Variants in HFM1 observed in about 807,000 individuals in gnomAD.
The protein encoded by HFM1 is probable ATP-dependent DNA helicase HFM1.
A neutral mutation model predicts 192.1 loss-of-function variants in HFM1; 169 were observed. The ratio of observed to expected loss-of-function variants is 0.88; its 90% CI spans 0.78 to 1.00. The LOEUF is 1.00. Among genes scored for constraint, HFM1 ranks in the 50% least tolerant of loss-of-function variants. HFM1 has a pLI of 0.00. For synonymous variants in HFM1, 525 were observed against 537.8 expected, an observed-to-expected ratio of 0.98 and a Z score of 0.33; for missense variants, 1,661 against 1,668.0, an observed-to-expected ratio of 1.00 and a Z score of 0.07.
chr1:91,337,745 G>T (rs1411022721), intron 20 of HFM1, among the ~76,000 whole-genome samples: 1 of 152,178 alleles, frequency 6.6e-6, no homozygotes, highest in East Asian at 1.9e-4. Context: ...GTACAAATAA[G>T]AAATCATGTG....
At chr1:91,391,812 C>T (rs112796434) in intron 4 of HFM1, among the ~76,000 whole-genome samples, 14,626 of 151,530 alleles carry the variant, frequency 0.097, 742 homozygotes, top group East Asian at 0.16. Flanking sequence ...AGTGAACAGG[C>T]AACCAATGGG....
chr1:91,291,039 C>G (rs1460068387), intron 30 of HFM1, among the ~76,000 whole-genome samples: 1 of 151,964 alleles, frequency 6.6e-6, no homozygotes, highest in Non-Finnish European at 1.5e-5. Flanking sequence ...ATCTCTGGGA[C>G]ACATTCAAAG....
At chr1:91,327,281 C>G (rs1475644598) in intron 20 of HFM1, among the ~76,000 whole-genome samples, 1 of 152,126 alleles carries the variant, frequency 6.6e-6, no homozygotes, top group Non-Finnish European at 1.5e-5. Context: ...TTTGCAAGGC[C>G]AAGGCAGGAG....
intron 30 of HFM1, among the ~76,000 whole-genome samples, chr1:91,280,660 TG>T (rs1266317862): frequency 6.6e-6 from 1 of 152,244 alleles, no homozygotes. Context: ...CACTAAGGTA[TG>T]GAACTTTCCA....
intron 13 of HFM1, among the ~76,000 whole-genome samples, chr1:91,374,856 A>G (rs549077383): frequency 6.6e-6 from 1 of 152,296 alleles, no homozygotes; most frequent in South Asian, 2.1e-4. Flanking sequence ...AGTACTTACA[A>G]ACACCTAAGA....
intron 19 of HFM1, 77 bp from the exon 20 acceptor site, chr1:91,343,587 C>A: frequency 3.3e-6 from 2 of 597,142 alleles, no homozygotes; most frequent in Non-Finnish European, 5.8e-6. Flanking sequence ...ATTAAATATG[C>A]TAAAGTTGTG....
chr1:91,324,237 C>T (rs991382262), intron 21 of HFM1, among the ~76,000 whole-genome samples: 1 of 152,102 alleles, frequency 6.6e-6, no homozygotes, highest in Admixed American at 6.5e-5. Flanking sequence ...CTGTTCTCAC[C>T]CAAAATATTT....
At chr1:91,369,911 A>C (rs1031582596) in intron 13 of HFM1, among the ~76,000 whole-genome samples, 34 of 152,040 alleles carry the variant, frequency 2.2e-4, no homozygotes, top group Admixed American at 1.2e-3. Context: ...AAGGGGATAT[A>C]GCCACCGATC....
intron 30 of HFM1, among the ~76,000 whole-genome samples, chr1:91,291,634 C>A (rs1376283634): frequency 6.6e-6 from 1 of 152,138 alleles, no homozygotes; most frequent in Non-Finnish European, 1.5e-5. Flanking sequence ...CAAGTAGGAA[C>A]TGGTACCATT....
At chr1:91,383,744 CAT>C (rs1466981404) in intron 6 of HFM1, among the ~76,000 whole-genome samples, 2 of 152,124 alleles carry the variant, frequency 1.3e-5, no homozygotes, top group African/African-American at 4.8e-5. Flanking sequence ...ATTCCTAAAG[CAT>C]AGTTTAAATG....
chr1:91,323,829 A>C lies in HFM1; in HGVS notation c.2428-630T>G, dbSNP rs530682672. Among the ~76,000 whole-genome samples, 5 of 152,286 alleles carry C rather than the reference A, an allele frequency of 3.3e-5. No homozygotes were observed. In the South Asian group the frequency reaches 1.0e-3, roughly 32 times the overall value. ...GACTCTTGATTTCTCCTTAGTTAAG[A>C]ATAATGTTTACACAAAAATACAAAC... On this transcript the variant is annotated intron_variant, in intron 21 of 38. Coordinates refer to ENST00000370425, the MANE Select transcript of HFM1 (RefSeq NM_001017975.6).
intron 20 of HFM1, chr1:91,328,842 A>C: frequency 6.2e-7 from 1 of 1,611,290 alleles, no homozygotes. Context: ...CCTTACCTTG[A>C]TGCACCCATC....
Position 91,341,265 on chromosome 1 carries a change from A to C in HFM1, c.2335+2165T>G, listed in dbSNP as rs1042772151. 2.4e-4 allele frequency among the ~76,000 whole-genome samples: 36 copies of C among 152,234 alleles called. 1 individual carries two copies. The highest frequency in any genetic ancestry group is 8.7e-4 in the African/African-American group (36 of 41,458). On this transcript the variant is annotated intron_variant, in intron 20 of 38. Coordinates refer to ENST00000370425, the MANE Select transcript of HFM1 (RefSeq NM_001017975.6). ...TTAGACCACAATGCAGTAAAAACAGAAATCAATACTAAGATCTTTCAAAGC... is the reference window on the plus strand; with the variant it reads ...TTAGACCACAATGCAGTAAAAACAGCAATCAATACTAAGATCTTTCAAAGC...
intron 20 of HFM1, among the ~76,000 whole-genome samples, chr1:91,335,560 TAAAG>T (rs1331990640): frequency 2.0e-5 from 3 of 152,028 alleles, no homozygotes; most frequent in African/African-American, 7.2e-5. Context: ...AGCAAGGAAA[TAAAG>T]AAACAACTTG....
chr1:91,289,732 G>A (rs938865653), intron 30 of HFM1, among the ~76,000 whole-genome samples: 6 of 152,088 alleles, frequency 3.9e-5, no homozygotes, highest in South Asian at 2.1e-4. Flanking sequence ...GTGGCGGCGC[G>A]CGCCTGCATC....
chr1:91,312,958 T>C (rs1183737201), intron 30 of HFM1, among the ~76,000 whole-genome samples: 1 of 152,074 alleles, frequency 6.6e-6, no homozygotes, highest in Non-Finnish European at 1.5e-5. Flanking sequence ...TGCTTTTGCT[T>C]CTTCCTCATT....
chr1:91,342,919 C>T (rs1342886141), intron 20 of HFM1, among the ~76,000 whole-genome samples: 1 of 152,114 alleles, frequency 6.6e-6, no homozygotes, highest in African/African-American at 2.4e-5. Flanking sequence ...TCACCAGAAT[C>T]AGTGAAGACA....
chr1:91,358,523 T>C (rs1240372907), intron 13 of HFM1, among the ~76,000 whole-genome samples: 1 of 152,060 alleles, frequency 6.6e-6, no homozygotes, highest in African/African-American at 2.4e-5. Flanking sequence ...AATTTTCCAT[T>C]AGGGCACCAA....
At chr1:91,370,788 A>C (rs1660078977) in intron 13 of HFM1, among the ~76,000 whole-genome samples, 1 of 152,214 alleles carries the variant, frequency 6.6e-6, no homozygotes, top group Non-Finnish European at 1.5e-5. Context: ...TTAGGAAAAG[A>C]GGAAGTCAAA....
Sources: allele counts gnomAD v4.1 joint callset (sites outside exome capture counted in the v4.1 genomes callset), GRCh38; gene constraint gnomAD v4.1.1; transcripts MANE v1.5; gene names NCBI Gene and HGNC (gene_info 2026-07-23, HGNC 2026-07-21).